Variants in CENPF observed in about 807,000 individuals in gnomAD.
CENPF encodes the protein centromere protein F, also known as AH antigen.
Under a neutral mutation model 307.3 loss-of-function variants are expected in CENPF, and 214 were observed. That is an observed-to-expected ratio of 0.70 (90% CI 0.62 to 0.78). The LOEUF is 0.78. CENPF is among the 30% of genes least tolerant of loss of function. CENPF has a pLI of 0.00. For synonymous variants in CENPF, 1,259 were observed against 1,270.6 expected (o/e 0.99, Z 0.19); for missense variants, 3,401 against 3,483.9 (o/e 0.98, Z 0.60).
At chr1:214,613,632 G>C in intron 1 of CENPF, 82 bp from the exon 2 acceptor site, 1 of 965,760 alleles carries the variant, frequency 1.0e-6, no homozygotes, top group Non-Finnish European at 1.5e-6. Flanking sequence ...GATTTTTAGG[G>C]GTGGTTAGAT....
At chr1:214,638,973 A>G (rs1199711834) in intron 11 of CENPF, among the ~76,000 whole-genome samples, 1 of 152,226 alleles carries the variant, frequency 6.6e-6, no homozygotes, top group Non-Finnish European at 1.5e-5. Flanking sequence ...TGAGTTGCTC[A>G]CAGCAAAGTG....
In CENPF at chr1:214,619,212, C is replaced by CA; in HGVS notation, c.566dup (p.Ala190GlyfsTer2). ...ATTAGAGGCAGAGGTTAAAGCCTTG[C>CA]AGGCTAAAGTAAGTTAATTATGGGC... On this transcript the variant is annotated frameshift_variant, in exon 5 of 20. Transcript: ENST00000366955. LOFTEE classifies it high-confidence loss of function. 1 of 1,531,048 alleles carries CA rather than the reference C, an allele frequency of 6.5e-7. No individual in the cohort carries two copies. The highest frequency in any genetic ancestry group is 9.0e-7 in the Non-Finnish European group (1 of 1,111,082). The allele number at this position is 1,531,048 out of a possible 1,614,324, so 94.8% of individuals were successfully genotyped here. A position where few individuals can be genotyped will look rare whatever the true frequency, so the allele number is the denominator to read the frequency against.
chr1:214,610,785 T>C (rs2102527297), intron 1 of CENPF, among the ~76,000 whole-genome samples: 1 of 152,362 alleles, frequency 6.6e-6, no homozygotes, highest in Admixed American at 6.5e-5. Context: ...TGGTATTGCC[T>C]AGGTTGTCTT....
At position 214,645,872 on chromosome 1, in the gene CENPF, G is replaced by A; in HGVS notation, c.6302G>A (p.Gly2101Asp). The stretch of plus-strand genomic sequence containing the variant: ...TTGGAGGCCGCACTGGTGGAGAAAG[G>A]TGAGTTCGCATTGAGGCTGAGCTCA... ...KALEAALVEKGEFALRLSSTQ... is the reference protein window; with the variant it reads ...KALEAALVEKDEFALRLSSTQ... Residue 2101 changes from glycine to aspartate, a missense_variant, in exon 13 of 20, where the codon GGT becomes GAT. Transcript: ENST00000366955. 6.2e-7 allele frequency: 1 copy of A among 1,614,172 alleles called. No homozygotes were observed. The highest frequency in any genetic ancestry group is 8.5e-7 in the Non-Finnish European group (1 of 1,180,036).
At position 214,645,271 on chromosome 1, in the gene CENPF, G is replaced by A. The variant is rs1030351041; in HGVS notation, c.5701G>A (p.Glu1901Lys). 1 of 1,613,992 alleles carries A rather than the reference G, an allele frequency of 6.2e-7. No individual in the cohort carries two copies. The highest frequency in any genetic ancestry group is 1.3e-5 in the African/African-American group (1 of 74,896). Residue 1901 changes from glutamate to lysine, a missense_variant, in exon 13 of 20, where the codon GAA becomes AAA. Transcript: ENST00000366955. ...CTGGAAGGAGAGATTTCTTGATGTG[G>A]AAAATGAGCTGAGTAGGATCAGATC... is the stretch of plus-strand genomic sequence containing the variant. ...DSWKERFLDV[E>K]NELSRIRSEK...
intron 5 of CENPF, among the ~76,000 whole-genome samples, chr1:214,619,423 G>A (rs1284744064): frequency 2.6e-5 from 4 of 151,974 alleles, no homozygotes; most frequent in Admixed American, 6.6e-5. Context: ...AGAGTGGGGA[G>A]GTTAGTTTAT....
At chr1:214,608,969 G>A (rs886377351) in intron 1 of CENPF, 52 of 896,306 alleles carry the variant, frequency 5.8e-5, no homozygotes, top group Non-Finnish European at 6.7e-5. Context: ...CCCAGCTACG[G>A]CCCCAGACGG....
At chr1:214,658,331 C>G (rs1658697779) in intron 18 of CENPF, among the ~76,000 whole-genome samples, 1 of 152,174 alleles carries the variant, frequency 6.6e-6, no homozygotes, top group African/African-American at 2.4e-5. Flanking sequence ...TGGAAAGAGA[C>G]AACGTGAGTG....
intron 12 of CENPF, among the ~76,000 whole-genome samples, chr1:214,643,940 G>A (rs1172374145): frequency 3.3e-5 from 5 of 152,210 alleles, no homozygotes; most frequent in East Asian, 1.9e-4. Context: ...GCTATATAGT[G>A]TATGCATGTC....
At chr1:214,606,979 C>T (rs1048300770) in intron 1 of CENPF, among the ~76,000 whole-genome samples, 3 of 152,226 alleles carry the variant, frequency 2.0e-5, no homozygotes, top group Admixed American at 1.3e-4. Context: ...GCCTGGCATT[C>T]GGACTCCACC....
At chr1:214,652,471 C>T (rs12751172) in intron 15 of CENPF, among the ~76,000 whole-genome samples, 52,974 of 141,354 alleles carry the variant, frequency 0.37, 11,055 homozygotes, top group Non-Finnish European at 0.48. Flanking sequence ...TGAGACTGAG[C>T]CTCACTCTGT....
At chr1:214,651,618 TTTTCTACAC>T in intron 14 of CENPF, 83 bp from the exon 15 acceptor site, 1 of 891,858 alleles carries the variant, frequency 1.1e-6, no homozygotes, top group Non-Finnish European at 1.7e-6. Context: ...TAAATATTTT[TTTTCTACAC>T]AGTACACATT....
intron 16 of CENPF, chr1:214,654,298 TGTG>T (rs1160727454): frequency 6.6e-6 from 1 of 151,990 alleles, no homozygotes; most frequent in African/African-American, 2.4e-5. Context: ...CTGGGCCAGG[TGTG>T]GTGACTCATG....
chr1:214,612,787 A>T (rs1657233843), intron 1 of CENPF, among the ~76,000 whole-genome samples: 1 of 152,220 alleles, frequency 6.6e-6, no homozygotes, highest in African/African-American at 2.4e-5. Flanking sequence ...TGGACAAAAA[A>T]TTAGTATAAT....
chr1:214,661,404 AAAATCTAG>A (rs1388753910), intron 19 of CENPF, among the ~76,000 whole-genome samples: 1 of 152,226 alleles, frequency 6.6e-6, no homozygotes, highest in Non-Finnish European at 1.5e-5. Context: ...CTTAGTTTTA[AAAATCTAG>A]AATGAGGTAT....
At chr1:214,653,282 G>GGC (rs1658539662) in intron 16 of CENPF, among the ~76,000 whole-genome samples, 2 of 152,110 alleles carry the variant, frequency 1.3e-5, no homozygotes, top group African/African-American at 4.8e-5. Flanking sequence ...GATGAGGGCA[G>GGC]GCCTCTTAAG....
intron 16 of CENPF, chr1:214,653,971 A>G (rs1222903083): frequency 2.0e-5 from 3 of 152,180 alleles, no homozygotes; most frequent in African/African-American, 7.2e-5. Context: ...AACATTGCTA[A>G]TAAATAATTT....
chr1:214,613,127 C>A, intron 1 of CENPF: 1 of 263,088 alleles, frequency 3.8e-6, no homozygotes, highest in East Asian at 9.5e-5. Context: ...ACTATTAACC[C>A]TATTTATATT....
rs370473275 is a variant in CENPF at position 214,614,108 on chromosome 1, C to CT, written c.162+205dup. ...CCCCACCCCAGGCCCCAATCCCCTT[C>CT]TTTTTTTTTTTTTGAGTCATTTTTA... On this transcript the variant is annotated intron_variant, in intron 2 of 19. Transcript: ENST00000366955. 0.13 allele frequency among the ~76,000 whole-genome samples: 16,389 copies of CT among 122,974 alleles called. 2,087 individuals carry two copies. The highest frequency in any genetic ancestry group is 0.34 in the African/African-American group (10,574 of 31,528). The allele number at this position is 122,974 out of a possible 152,430, so 80.7% of individuals were successfully genotyped here. A position where few individuals can be genotyped will look rare whatever the true frequency, so the allele number is the denominator to read the frequency against.
Sources: allele counts gnomAD v4.1 joint callset (sites outside exome capture counted in the v4.1 genomes callset), GRCh38; gene constraint gnomAD v4.1.1; transcripts MANE v1.5; gene names NCBI Gene and HGNC (gene_info 2026-07-23, HGNC 2026-07-21).